TMEM38B: variants seen among roughly 807,000 people sequenced by gnomAD.
TMEM38B encodes the protein trimeric intracellular cation channel type B.
In TMEM38B, 24 loss-of-function variants were observed where a neutral mutation model predicts 28.7. The ratio of observed to expected loss-of-function variants is 0.84; its 90% CI spans 0.61 to 1.18. The LOEUF (loss-of-function observed/expected upper bound fraction) is 1.18, where lower values mean the gene tolerates loss of function less well. Among genes scored for constraint, TMEM38B ranks in the 50% most tolerant of loss-of-function variants. TMEM38B has a pLI of 0.00. For synonymous variants in TMEM38B, 131 were observed against 127.7 expected, an observed-to-expected ratio of 1.03 and a Z score of -0.17; for missense variants, 380 against 350.9, an observed-to-expected ratio of 1.08 and a Z score of -0.66.
chr9:105,706,812 A>T (rs1835686974), intron 2 of TMEM38B, among the ~76,000 whole-genome samples: 1 of 151,942 alleles, frequency 6.6e-6, no homozygotes, highest in African/African-American at 2.4e-5. Flanking sequence ...AGCAGAGGAA[A>T]ACTTTTTTTT....
At chr9:105,759,474 C>G (rs574866103) in intron 5 of TMEM38B, 7 of 1,577,464 alleles carry the variant, frequency 4.4e-6, no homozygotes, top group Non-Finnish European at 6.0e-6. Flanking sequence ...ATTTAAGAAA[C>G]AGAGGAGTGA....
At chr9:105,707,376 G>A (rs533724902) in intron 2 of TMEM38B, among the ~76,000 whole-genome samples, 2 of 151,960 alleles carry the variant, frequency 1.3e-5, no homozygotes, top group Non-Finnish European at 1.5e-5. Context: ...TCCTTAAGAG[G>A]ATTGATCCAT....
intron 2 of TMEM38B, among the ~76,000 whole-genome samples, chr9:105,717,641 AAAC>A (rs1836156226): frequency 7.0e-6 from 1 of 142,716 alleles, no homozygotes; most frequent in African/African-American, 2.8e-5. Flanking sequence ...TTATGGATAT[AAAC>A]ATATGCTAAA....
At chr9:105,745,019 G>C (rs963590506) in intron 4 of TMEM38B, among the ~76,000 whole-genome samples, 2 of 152,152 alleles carry the variant, frequency 1.3e-5, no homozygotes, top group African/African-American at 4.8e-5. Flanking sequence ...CCAAGTCTTT[G>C]CTATTGTGAA....
intron 5 of TMEM38B, among the ~76,000 whole-genome samples, chr9:105,767,946 T>C (rs1362877737): frequency 6.6e-6 from 1 of 152,152 alleles, no homozygotes; most frequent in Non-Finnish European, 1.5e-5. Context: ...TTATATTGGC[T>C]AGAATGTCCT....
intron 4 of TMEM38B, among the ~76,000 whole-genome samples, chr9:105,728,323 A>T (rs1836600471): frequency 6.9e-6 from 1 of 145,370 alleles, no homozygotes; most frequent in Admixed American, 7.1e-5. Flanking sequence ...ACTTCCACTT[A>T]TGAGTGAGAA....
chr9:105,727,726 C>T (rs1439206622), intron 4 of TMEM38B, among the ~76,000 whole-genome samples: 2 of 152,120 alleles, frequency 1.3e-5, no homozygotes, highest in African/African-American at 2.4e-5. Context: ...TTTGTCCCCT[C>T]CAGTTCATGT....
intron 5 of TMEM38B, chr9:105,749,261 T>C: frequency 3.3e-6 from 1 of 300,396 alleles, no homozygotes; most frequent in South Asian, 4.8e-5. Context: ...AAGACATACC[T>C]GATACTGGGT....
intron 4 of TMEM38B, among the ~76,000 whole-genome samples, chr9:105,723,253 AT>A (rs1836385404): frequency 6.6e-6 from 1 of 152,158 alleles, no homozygotes; most frequent in South Asian, 2.1e-4. Flanking sequence ...AAAGAGACAG[AT>A]TCTGTTGTTC....
chr9:105,715,552 A>G (rs539914575), intron 2 of TMEM38B, among the ~76,000 whole-genome samples: 1 of 151,996 alleles, frequency 6.6e-6, no homozygotes, highest in African/African-American at 2.4e-5. Flanking sequence ...GCCTTTCTTC[A>G]AGGATTTTTT....
At chr9:105,768,940 T>G (rs1215763939) in intron 5 of TMEM38B, among the ~76,000 whole-genome samples, 1 of 152,222 alleles carries the variant, frequency 6.6e-6, no homozygotes, top group Non-Finnish European at 1.5e-5. Context: ...TGGGGTTTAC[T>G]TGGTTCTTCC....
chr9:105,707,101 G>T (rs1354485810), intron 2 of TMEM38B, among the ~76,000 whole-genome samples: 1 of 152,096 alleles, frequency 6.6e-6, no homozygotes, highest in Non-Finnish European at 1.5e-5. Context: ...TTTAATAGAA[G>T]CATTTCCAAT....
intron 4 of TMEM38B, among the ~76,000 whole-genome samples, chr9:105,746,034 T>A (rs1837378793): frequency 6.6e-6 from 1 of 152,210 alleles, no homozygotes; most frequent in African/African-American, 2.4e-5. Context: ...AGCTTTGTTC[T>A]TTTGGCTTAG....
At chr9:105,717,162 A>C (rs1836131917) in intron 2 of TMEM38B, among the ~76,000 whole-genome samples, 1 of 152,152 alleles carries the variant, frequency 6.6e-6, no homozygotes, top group African/African-American at 2.4e-5. Flanking sequence ...CCTTACCATT[A>C]GTTTTTATGT....
chr9:105,749,622 T>C (rs1466794876), intron 5 of TMEM38B, among the ~76,000 whole-genome samples: 1 of 149,038 alleles, frequency 6.7e-6, no homozygotes, highest in African/African-American at 2.5e-5. Context: ...AGTTTTTTAG[T>C]ATATTCATGG....
At position 105,732,679 on chromosome 9, in the gene TMEM38B, GGTACCA is replaced by G. The variant is rs1187838000; in HGVS notation, c.542+10065_542+10070del. Among the ~76,000 whole-genome samples the G allele has an allele frequency of 2.6e-5, 4 of 152,068 alleles. No homozygotes were observed. In the South Asian group the frequency reaches 6.2e-4, roughly 24 times the overall value. ...TTCCATTGGTCTGTATCTCTGTTTT[GGTACCA>G]GTACCATGCTATTTTGGTTACTGTA... On this transcript the variant is annotated intron_variant, in intron 4 of 5. Transcript: ENST00000374692.
Position 105,694,781 on chromosome 9 carries a change from G to C in TMEM38B, c.112+9G>C. 4 of 1,608,438 alleles carry C rather than the reference G, an allele frequency of 2.5e-6. No homozygotes were observed. The highest frequency in any genetic ancestry group is 1.1e-5 in the South Asian group (1 of 90,788). ...GGTGAAACGTCAGCCGGGTGAGTGC[G>C]GGGCGCCGCGGGCCGGACCCCTCAG... On this transcript the variant is annotated intron_variant, in intron 1 of 5. Coordinates refer to ENST00000374692, the MANE Select transcript of TMEM38B (RefSeq NM_018112.3).
chr9:105,758,141 C>A, intron 5 of TMEM38B: 1 of 545,306 alleles, frequency 1.8e-6, no homozygotes, highest in Admixed American at 2.7e-5. Flanking sequence ...CTGCCATGGA[C>A]GCCAGTGGGC....
At chr9:105,703,092 G>A (rs1388197332) in intron 1 of TMEM38B, among the ~76,000 whole-genome samples, 1 of 152,170 alleles carries the variant, frequency 6.6e-6, no homozygotes, top group Non-Finnish European at 1.5e-5. Context: ...AAGAATTTTG[G>A]GGAAAATAAT....
Sources: gnomAD v4.1 joint callset for allele counts (sites outside exome capture counted in the v4.1 genomes callset) on GRCh38, gnomAD v4.1.1 for gene constraint, MANE v1.5 for transcripts, NCBI Gene and HGNC (gene_info 2026-07-23, HGNC 2026-07-21) for gene names.